The following ABHD10 variants were observed in gnomAD, a reference collection of about 807,000 sequenced individuals.
The protein encoded by ABHD10 is palmitoyl-protein thioesterase ABHD10, mitochondrial.
In ABHD10, 22 loss-of-function variants were observed where a neutral mutation model predicts 33.1. That is an observed-to-expected ratio of 0.66 (90% CI 0.47 to 0.95). The LOEUF (loss-of-function observed/expected upper bound fraction) is 0.95. ABHD10 is among the 40% of genes least tolerant of loss of function. The pLI is 0.00. For missense variants in ABHD10, 352 were observed against 379.9 expected, an observed-to-expected ratio of 0.93 and a Z score of 0.61; for synonymous variants, 146 against 133.9, an observed-to-expected ratio of 1.09 and a Z score of -0.62.
At chr3:111,987,799 G>T (rs896671094) in intron 4 of ABHD10, among the ~76,000 whole-genome samples, 1 of 152,154 alleles carries the variant, frequency 6.6e-6, no homozygotes, top group Non-Finnish European at 1.5e-5. Context: ...AGAGCTGACT[G>T]TCTTTGTTTT....
chr3:111,988,072 TG>T (rs1047888766), intron 4 of ABHD10, among the ~76,000 whole-genome samples: 5 of 151,840 alleles, frequency 3.3e-5, no homozygotes, highest in Non-Finnish European at 5.9e-5. Flanking sequence ...CTTTAGAGAA[TG>T]GGGGAAGAGG....
chr3:111,983,998 G>C (rs530721055), intron 2 of ABHD10, among the ~76,000 whole-genome samples: 8 of 152,042 alleles, frequency 5.3e-5, no homozygotes, highest in Non-Finnish European at 1.2e-4. Context: ...GTATCACCAA[G>C]TATTTATATT....
At position 111,991,492 on chromosome 3, in the gene ABHD10, T is replaced by C. The variant is rs1156368691; in HGVS notation, c.692T>C (p.Leu231Ser). Residue 231 changes from leucine (L) to serine (S), a missense_variant, in exon 5 of 5, where the codon TTA (leucine) becomes TCA (serine). By Grantham distance (145) the Leu-to-Ser change is moderately radical. Coordinates refer to ENST00000273359, the MANE Select transcript of ABHD10 (RefSeq NM_018394.4). ...AAAGAAGCTGAACATCACTGCTTGT[T>C]ACATAGCCCAATTCCTGTGAACTGC... ...FIKEAEHHCLLHSPIPVNCPI... is the reference protein window; with the variant it reads ...FIKEAEHHCLSHSPIPVNCPI... The C allele has an allele frequency of 6.2e-7, 1 of 1,614,014 alleles. No homozygotes were observed. Among genetic ancestry groups the C allele is most frequent in the African/African-American group, 1.3e-5 (1 of 74,938 alleles).
At position 111,993,334 on chromosome 3, in the gene ABHD10, C is replaced by G. The variant is rs1245325073; in HGVS notation, c.*1613C>G. 3 of 151,938 alleles carry G rather than the reference C, an allele frequency of 2.0e-5. No homozygotes were observed. The highest frequency in any genetic ancestry group is 4.4e-5 in the Non-Finnish European group (3 of 68,020). The allele number at this position is 151,938 out of a possible 1,614,324, so 9.4% of individuals were successfully genotyped here. On this transcript the variant is annotated 3_prime_UTR_variant, in exon 5 of 5. Coordinates refer to ENST00000273359, the MANE Select transcript of ABHD10 (RefSeq NM_018394.4). ...TTGCTGATTTTGTTTTGTATCCTTTCACTGTAATAAATCATGGCCGTGAGC... is the reference window on the plus strand; with the variant it reads ...TTGCTGATTTTGTTTTGTATCCTTTGACTGTAATAAATCATGGCCGTGAGC...
At chr3:111,983,220 C>T (rs899082927) in intron 2 of ABHD10, among the ~76,000 whole-genome samples, 3 of 152,028 alleles carry the variant, frequency 2.0e-5, no homozygotes, top group Non-Finnish European at 2.9e-5. Flanking sequence ...GATAAAGGAA[C>T]GTTGAAGAAT....
In ABHD10 at chr3:111,979,142, C is replaced by T. The variant is rs1577245491; in HGVS notation, c.81C>T (p.Pro27=). ...SWGWAAVPFG[P]HRGLSVLLAR... is the part of the protein sequence containing the mutation. ...GCTGGGCAGCCGTCCCCTTCGGTCCCCACCGTGGCCTCAGCGTGCTGCTTG... is the reference window on the plus strand; with the variant it reads ...GCTGGGCAGCCGTCCCCTTCGGTCCTCACCGTGGCCTCAGCGTGCTGCTTG... The change falls in exon 1 of 5, where the codon CCC becomes CCT. Residue 27 remains proline, a synonymous_variant. Transcript: ENST00000273359. 1 of 1,613,120 alleles carries T rather than the reference C, an allele frequency of 6.2e-7. No homozygotes were observed. The highest frequency in any genetic ancestry group is 8.5e-7 in the Non-Finnish European group (1 of 1,179,660).
At chr3:111,980,482 A>G (rs960951536) in intron 1 of ABHD10, among the ~76,000 whole-genome samples, 48 of 152,196 alleles carry the variant, frequency 3.2e-4, no homozygotes, top group Non-Finnish European at 4.4e-5. Flanking sequence ...GCTTCATTTA[A>G]TATAAAAAAA....
At position 111,979,192 on chromosome 3, in the gene ABHD10, G is replaced by C. The variant is rs1332600556; in HGVS notation, c.131G>C (p.Arg44Pro). 1.2e-6 allele frequency: 2 copies of C among 1,604,416 alleles called. No individual in the cohort carries two copies. Among genetic ancestry groups the C allele is most frequent in the African/African-American group, 2.7e-5 (2 of 74,708 alleles). The change falls in exon 1 of 5, where the codon CGG becomes CCG. Residue 44 changes from arginine (R) to proline (P), a missense_variant. Coordinates refer to ENST00000273359, the MANE Select transcript of ABHD10 (RefSeq NM_018394.4). ...LLARIPQRAP[R>P]WLPACRQKTS... ...GCACGGATACCTCAGCGGGCGCCAC[G>C]GTGGCTCCCAGGTCAGTGTCCGAAA...
At chr3:111,986,235 A>G in intron 2 of ABHD10, 29 bp from the exon 3 acceptor site, 1 of 1,248,562 alleles carries the variant, frequency 8.0e-7, no homozygotes, top group South Asian at 1.2e-5. Flanking sequence ...ATAGATATTT[A>G]GATATAGATT....
rs2072739576 is a variant in ABHD10 at position 111,991,558 on chromosome 3, C to CT, written c.760dup (p.Trp254LeufsTer25). 1 of 1,613,992 alleles carries CT rather than the reference C, an allele frequency of 6.2e-7. No individual in the cohort carries two copies. Among genetic ancestry groups the CT allele is most frequent in the African/African-American group, 1.3e-5 (1 of 74,908 alleles). On this transcript the variant is annotated frameshift_variant, in exon 5 of 5. Transcript: ENST00000273359. LOFTEE classifies it high-confidence loss of function. Reference sequence around the variant, plus strand: ...CATGGCATGAAGGATGACATTGTACCTTGGCATACATCAATGCAGGTTGCC... The same window carrying CT: ...CATGGCATGAAGGATGACATTGTACCTTTGGCATACATCAATGCAGGTTGCC...
At chr3:111,988,977 G>T (rs557940613) in intron 4 of ABHD10, among the ~76,000 whole-genome samples, 4 of 152,152 alleles carry the variant, frequency 2.6e-5, no homozygotes, top group Admixed American at 6.6e-5. Flanking sequence ...TTTATAATCT[G>T]CAAATCAAGG....
chr3:111,980,738 A>G (rs1222133525), intron 1 of ABHD10, among the ~76,000 whole-genome samples: 1 of 152,242 alleles, frequency 6.6e-6, no homozygotes, highest in Admixed American at 6.5e-5. Flanking sequence ...AAGCCAAACC[A>G]ACAAAACGCA....
chr3:111,985,281 C>G (rs1475650401), intron 2 of ABHD10, among the ~76,000 whole-genome samples: 1 of 151,956 alleles, frequency 6.6e-6, no homozygotes, highest in Admixed American at 6.6e-5. Context: ...CTTTATACCA[C>G]CATGATTTTT....
chr3:111,984,814 T>C (rs1219774431), intron 2 of ABHD10, among the ~76,000 whole-genome samples: 1 of 152,040 alleles, frequency 6.6e-6, no homozygotes, highest in Non-Finnish European at 1.5e-5. Context: ...AGGTCTAAGA[T>C]GACAAATAAA....
At chr3:111,983,795 A>T (rs1006097783) in intron 2 of ABHD10, among the ~76,000 whole-genome samples, 17 of 152,282 alleles carry the variant, frequency 1.1e-4, no homozygotes, top group African/African-American at 2.6e-4. Context: ...ATATGGTTTT[A>T]AGGCTGGTAT....
chr3:111,987,484 G>C (rs1461446044), intron 4 of ABHD10, among the ~76,000 whole-genome samples: 1 of 151,970 alleles, frequency 6.6e-6, no homozygotes. Context: ...GTCATCCCTT[G>C]GTATCTGAAG....
At chr3:111,983,671 A>G (rs2072616142) in intron 2 of ABHD10, among the ~76,000 whole-genome samples, 1 of 152,162 alleles carries the variant, frequency 6.6e-6, no homozygotes. Context: ...TAGATCTTCA[A>G]TGATGAAATA....
intron 1 of ABHD10, among the ~76,000 whole-genome samples, chr3:111,981,528 T>C (rs1169063359): frequency 6.6e-6 from 1 of 152,204 alleles, no homozygotes; most frequent in Non-Finnish European, 1.5e-5. Flanking sequence ...TTGAAATTCC[T>C]ACCGCATTGT....
In ABHD10 at chr3:111,981,987, G is replaced by C; in HGVS notation, c.326+20G>C. 6.9e-7 allele frequency: 1 copy of C among 1,459,306 alleles called. No individual in the cohort carries two copies. Among genetic ancestry groups the C allele is most frequent in the Non-Finnish European group, 9.2e-7 (1 of 1,085,420 alleles). The allele number at this position is 1,459,306 out of a possible 1,614,324, so 90.4% of individuals were successfully genotyped here. ...CATAAGGTAGGAACAACACATTACT[G>C]AGAAAATATTGCTACTGTTAGCATT... On this transcript the variant is annotated intron_variant, in intron 2 of 4. Coordinates refer to ENST00000273359, the MANE Select transcript of ABHD10 (RefSeq NM_018394.4).
Sources: gnomAD v4.1 joint callset for allele counts (sites outside exome capture counted in the v4.1 genomes callset) on GRCh38, gnomAD v4.1.1 for gene constraint, MANE v1.5 for transcripts, NCBI Gene and HGNC (gene_info 2026-07-23, HGNC 2026-07-21) for gene names.